Variants in METTL15 observed in about 807,000 individuals in gnomAD.
The protein encoded by METTL15 is methyltransferase 15, mitochondrial 12S rRNA N4-cytidine, also known as 12S rRNA N(4)-cytidine methyltransferase METTL15.
Under a neutral mutation model 38.3 loss-of-function variants are expected in METTL15, and 34 were observed. The ratio of observed to expected loss-of-function variants is 0.89; its 90% CI spans 0.68 to 1.18. METTL15 has a LOEUF of 1.18. METTL15 is among the 50% of genes most tolerant of loss of function. The pLI is 0.00. For synonymous variants in METTL15, 162 were observed against 170.9 expected (o/e 0.95, Z 0.41); for missense variants, 438 against 498.4 (o/e 0.88, Z 1.15).
intron 4 of METTL15, among the ~76,000 whole-genome samples, chr11:28,273,503 C>T (rs1021046903): frequency 6.6e-6 from 1 of 151,930 alleles, no homozygotes; most frequent in Non-Finnish European, 1.5e-5. Context: ...TCTACTATGG[C>T]CAACAACTGT....
At chr11:28,443,748 C>G (rs188650877) in intron 6 of METTL15, among the ~76,000 whole-genome samples, 1 of 152,074 alleles carries the variant, frequency 6.6e-6, no homozygotes, top group Non-Finnish European at 1.5e-5. Flanking sequence ...GAATCCTGTC[C>G]GCTCCACTTG....
chr11:28,308,093 G>A (rs948338202), intron 6 of METTL15, among the ~76,000 whole-genome samples: 3 of 151,956 alleles, frequency 2.0e-5, no homozygotes, highest in Non-Finnish European at 4.4e-5. Flanking sequence ...TTTTCACTTA[G>A]TACTTTGCAG....
At chr11:28,487,998 G>T (rs1238000369) in intron 6 of METTL15, among the ~76,000 whole-genome samples, 3 of 152,140 alleles carry the variant, frequency 2.0e-5, no homozygotes, top group African/African-American at 4.8e-5. Context: ...CAGAACTCTA[G>T]CTAGTGTCTA....
chr11:28,175,879 A>G (rs1456608463), intron 3 of METTL15, among the ~76,000 whole-genome samples: 2 of 151,970 alleles, frequency 1.3e-5, no homozygotes, highest in African/African-American at 2.4e-5. Context: ...AATCTCATAT[A>G]TTGGTGTAAG....
intron 3 of METTL15, among the ~76,000 whole-genome samples, chr11:28,201,068 A>G (rs773829179): frequency 1.3e-5 from 2 of 152,148 alleles, no homozygotes; most frequent in African/African-American, 2.4e-5. Flanking sequence ...AGCTGTTATT[A>G]TTTTGAGATA....
intron 3 of METTL15, among the ~76,000 whole-genome samples, chr11:28,349,314 T>C (rs1161256060): frequency 6.6e-6 from 1 of 152,220 alleles, no homozygotes; most frequent in Non-Finnish European, 1.5e-5. Flanking sequence ...GCAGGTGGAC[T>C]TGCCCTGTGT....
At chr11:28,205,676 C>T (rs1361819526) in intron 3 of METTL15, among the ~76,000 whole-genome samples, 5 of 151,148 alleles carry the variant, frequency 3.3e-5, no homozygotes, top group East Asian at 1.9e-4. Context: ...CCTGAGGAAT[C>T]GCCACACTGA....
intron 5 of METTL15, among the ~76,000 whole-genome samples, chr11:28,381,314 T>C (rs1043543490): frequency 1.3e-5 from 2 of 152,180 alleles, no homozygotes; most frequent in Admixed American, 1.3e-4. Flanking sequence ...CTTTGACATT[T>C]GAGAGTTTTA....
intron 5 of METTL15, among the ~76,000 whole-genome samples, chr11:28,384,652 A>G (rs1027464121): frequency 1.3e-5 from 2 of 152,062 alleles, no homozygotes; most frequent in Non-Finnish European, 2.9e-5. Context: ...CCTTTGGTAT[A>G]TACTCAGTAA....
chr11:28,452,912 CA>C (rs1851135313), intron 6 of METTL15, among the ~76,000 whole-genome samples: 2 of 152,168 alleles, frequency 1.3e-5, no homozygotes, highest in African/African-American at 4.8e-5. Flanking sequence ...ATGTGAAACA[CA>C]AATGTTATAC....
intron 3 of METTL15, among the ~76,000 whole-genome samples, chr11:28,129,917 G>C (rs918533229): frequency 1.3e-5 from 2 of 152,104 alleles, no homozygotes; most frequent in African/African-American, 4.8e-5. Flanking sequence ...CCAGTATTAA[G>C]AAGACACTGA....
intron 6 of METTL15, among the ~76,000 whole-genome samples, chr11:28,506,814 G>C (rs1851631849): frequency 7.2e-6 from 1 of 139,250 alleles, no homozygotes; most frequent in Non-Finnish European, 1.5e-5. Context: ...GCACAATCTT[G>C]GCTCATTGCA....
Position 28,500,087 on chromosome 11 carries a change from T to C in METTL15, c.*425-26391T>C, listed in dbSNP as rs188205989. Among the ~76,000 whole-genome samples the C allele has an allele frequency of 2.2e-4, 34 of 151,502 alleles. 1 individual carries two copies. In the East Asian group the frequency reaches 6.4e-3, roughly 29 times the overall value. On this transcript the variant is annotated intron_variant and NMD_transcript_variant, in intron 6 of 7. Coordinates refer to the METTL15 transcript ENST00000532947. Reference sequence around the variant, plus strand: ...GAAATAATCAAATACCAAGATGAAGTCCTGATGCCTTAGGAACAGAGGCCC... The same window carrying C: ...GAAATAATCAAATACCAAGATGAAGCCCTGATGCCTTAGGAACAGAGGCCC...
At chr11:28,297,013 G>C (rs147317372) in intron 6 of METTL15, 82 bp downstream of exon 6, 1 of 1,392,722 alleles carries the variant, frequency 7.2e-7, no homozygotes, top group African/African-American at 1.4e-5. Context: ...ATGCACGCAT[G>C]CACATGTGTG....
chr11:28,512,837 A>G (rs1026388298), intron 6 of METTL15, among the ~76,000 whole-genome samples: 9 of 152,238 alleles, frequency 5.9e-5, no homozygotes, highest in Non-Finnish European at 8.8e-5. Flanking sequence ...GAGCCCAGGC[A>G]GAGGAGGCAC....
At chr11:28,394,483 AG>A (rs1306957441) in intron 5 of METTL15, among the ~76,000 whole-genome samples, 2 of 151,824 alleles carry the variant, frequency 1.3e-5, no homozygotes, top group Admixed American at 6.6e-5. Context: ...GCTCACAAGG[AG>A]GGGGGTGGAA....
chr11:28,334,724 C>T (rs1849885401), downstream of METTL15, among the ~76,000 whole-genome samples: 1 of 152,028 alleles, frequency 6.6e-6, no homozygotes, highest in African/African-American at 2.4e-5. Context: ...TTTGGTAACA[C>T]AGGATGATCT....
chr11:28,109,308 G>C (rs1302418971), intron 1 of METTL15, among the ~76,000 whole-genome samples: 9 of 152,136 alleles, frequency 5.9e-5, no homozygotes, highest in African/African-American at 2.2e-4. Context: ...CTTAGCTAAT[G>C]AAATGGTTAT....
At chr11:28,478,167 A>G (rs796431891) in intron 6 of METTL15, among the ~76,000 whole-genome samples, 2 of 152,324 alleles carry the variant, frequency 1.3e-5, no homozygotes, top group African/African-American at 4.8e-5. Context: ...GACCATCTGG[A>G]AGAATCTGGA....
Sources: allele counts gnomAD v4.1 joint callset (sites outside exome capture counted in the v4.1 genomes callset), GRCh38; gene constraint gnomAD v4.1.1; transcripts MANE v1.5; gene names NCBI Gene and HGNC (gene_info 2026-07-23, HGNC 2026-07-21).